CFDP1: variants seen among roughly 807,000 people sequenced by gnomAD.
The protein encoded by CFDP1 is heterochromatin-stabilizing protein CFDP1.
CFDP1 carries 31 observed loss-of-function variants against 40.1 expected under a neutral mutation model. That is an observed-to-expected ratio of 0.77 (90% CI 0.58 to 1.04). CFDP1 has a LOEUF of 1.04. CFDP1 is among the 50% of genes least tolerant of loss of function. CFDP1 has a pLI of 0.00. For missense variants in CFDP1, 423 were observed against 343.4 expected, an observed-to-expected ratio of 1.23 and a Z score of -1.83; for synonymous variants, 167 against 120.0, an observed-to-expected ratio of 1.39 and a Z score of -2.56.
chr16:75,387,828 A>T (rs1311456799), intron 5 of CFDP1, among the ~76,000 whole-genome samples: 3 of 152,360 alleles, frequency 2.0e-5, no homozygotes, highest in African/African-American at 2.4e-5. Flanking sequence ...CTTATTTTTT[A>T]AAATGTGCTA....
chr16:75,306,893 A>ACACACACACACG (rs1158252067), intron 5 of CFDP1, among the ~76,000 whole-genome samples: 1 of 144,354 alleles, frequency 6.9e-6, no homozygotes, highest in African/African-American at 2.6e-5. Flanking sequence ...ACACACACAC[A>ACACACACACACG]CACACACACG....
chr16:75,418,306 C>CTTT (rs60458195), intron 1 of CFDP1, among the ~76,000 whole-genome samples: 7 of 107,160 alleles, frequency 6.5e-5, no homozygotes, highest in African/African-American at 1.4e-4. Context: ...AACTCTAACC[C>CTTT]TTTTTTTTTT....
chr16:75,362,105 G>T (rs1040917935), intron 5 of CFDP1, among the ~76,000 whole-genome samples: 4 of 151,942 alleles, frequency 2.6e-5, no homozygotes, highest in Admixed American at 6.6e-5. Context: ...TAGACTGCAT[G>T]ATCTACACAA....
chr16:75,297,952 C>T (rs192436533), intron 6 of CFDP1, among the ~76,000 whole-genome samples: 39 of 152,252 alleles, frequency 2.6e-4, no homozygotes, highest in Non-Finnish European at 4.0e-4. Context: ...TCCAAAAATC[C>T]GAAATCTGAA....
chr16:75,375,138 A>C (rs886376089), intron 5 of CFDP1, among the ~76,000 whole-genome samples: 6 of 152,100 alleles, frequency 3.9e-5, no homozygotes, highest in Non-Finnish European at 7.4e-5. Flanking sequence ...CAGGACCATT[A>C]AAAAAAGGCA....
At chr16:75,397,067 C>T (rs577812989) in intron 4 of CFDP1, among the ~76,000 whole-genome samples, 4 of 152,218 alleles carry the variant, frequency 2.6e-5, no homozygotes, top group African/African-American at 9.6e-5. Context: ...GTGCCCGCCA[C>T]CACGCCCAGC....
intron 1 of CFDP1, among the ~76,000 whole-genome samples, chr16:75,423,596 C>T (rs965470371): frequency 2.0e-5 from 3 of 152,146 alleles, no homozygotes; most frequent in Middle Eastern, 6.8e-3. Context: ...CTCACTGCAA[C>T]CTCCGCCTCT....
At chr16:75,377,920 T>C (rs1234067940) in intron 5 of CFDP1, among the ~76,000 whole-genome samples, 1 of 152,244 alleles carries the variant, frequency 6.6e-6, no homozygotes, top group African/African-American at 2.4e-5. Context: ...GCAACTTCGC[T>C]AGCAGTCACC....
chr16:75,432,457 G>A lies in CFDP1; in HGVS notation c.64+832C>T, dbSNP rs985271389. Among the ~76,000 whole-genome samples, 7 of 151,342 alleles carry A rather than the reference G, an allele frequency of 4.6e-5. No individual in the cohort carries two copies. In the East Asian group the frequency reaches 9.8e-4, roughly 21 times the overall value. On this transcript the variant is annotated intron_variant, in intron 1 of 6. Coordinates refer to ENST00000283882, the MANE Select transcript of CFDP1 (RefSeq NM_006324.3). Reference sequence around the variant, plus strand: ...TCCCAGCTACTCCAGAGGCTGAGACGGGAGGATCGCTTGAGCCCAGGAGTC... The same window carrying A: ...TCCCAGCTACTCCAGAGGCTGAGACAGGAGGATCGCTTGAGCCCAGGAGTC...
intron 5 of CFDP1, among the ~76,000 whole-genome samples, chr16:75,320,992 A>G (rs2078359280): frequency 6.6e-6 from 1 of 152,078 alleles, no homozygotes; most frequent in Non-Finnish European, 1.5e-5. Context: ...TTTTTTTTTA[A>G]GAGATGGGAT....
chr16:75,361,697 AAG>A (rs2078680427), intron 5 of CFDP1, among the ~76,000 whole-genome samples: 1 of 152,172 alleles, frequency 6.6e-6, no homozygotes, highest in Non-Finnish European at 1.5e-5. Context: ...GAATTAAAAA[AAG>A]TTTTTTTACA....
At position 75,377,960 on chromosome 16, in the gene CFDP1, G is replaced by A. The variant is rs140022022; in HGVS notation, c.650+17130C>T. Among the ~76,000 whole-genome samples, 686 of 152,312 alleles carry A rather than the reference G, an allele frequency of 4.5e-3. 7 individuals carry two copies. The highest frequency in any genetic ancestry group is 0.016 in the African/African-American group (656 of 41,582). ...ACAGCCTGAACACTGTAGTAACAGG[G>A]CACATTATACATCAAAATCCCTTAG... On this transcript the variant is annotated intron_variant, in intron 5 of 6. Transcript: ENST00000283882.
rs774911853 is a variant in CFDP1 at position 75,306,889 on chromosome 16, ACACACACACACACG to A, written c.651-1721_651-1708del. On this transcript the variant is annotated intron_variant, in intron 5 of 6. Coordinates refer to ENST00000283882, the MANE Select transcript of CFDP1 (RefSeq NM_006324.3). Reference sequence around the variant, plus strand: ...TATGTGCGCGTGATCACACACACACACACACACACACACGCACACACACACACTTTCTTTTTCAC... The same window carrying A: ...TATGTGCGCGTGATCACACACACACACACACACACACACTTTCTTTTTCAC... Among the ~76,000 whole-genome samples, 14 of 143,468 alleles carry A rather than the reference ACACACACACACACG, an allele frequency of 9.8e-5. 1 individual carries two copies. In the South Asian group the frequency reaches 1.1e-3, roughly 12 times the overall value. The allele number at this position is 143,468 out of a possible 152,430, so 94.1% of individuals were successfully genotyped here.
At chr16:75,326,437 G>A (rs562118898) in intron 5 of CFDP1, among the ~76,000 whole-genome samples, 1 of 152,272 alleles carries the variant, frequency 6.6e-6, no homozygotes, top group East Asian at 1.9e-4. Flanking sequence ...AATTAATTTA[G>A]GTGTACAAAT....
chr16:75,375,938 CG>C (rs1156476752), intron 5 of CFDP1, among the ~76,000 whole-genome samples: 1 of 152,188 alleles, frequency 6.6e-6, no homozygotes, highest in Non-Finnish European at 1.5e-5. Context: ...TAAGACTGAG[CG>C]TTGTGGCTCA....
intron 5 of CFDP1, among the ~76,000 whole-genome samples, chr16:75,376,347 T>A (rs927465158): frequency 3.9e-5 from 6 of 152,170 alleles, no homozygotes; most frequent in African/African-American, 1.2e-4. Flanking sequence ...AAATAACCCA[T>A]ACGTTTATCA....
chr16:75,367,826 C>T (rs1048156329), intron 5 of CFDP1, among the ~76,000 whole-genome samples: 8 of 151,016 alleles, frequency 5.3e-5, no homozygotes, highest in South Asian at 2.1e-4. Context: ...ACAGCCAGAC[C>T]GGATATGGTG....
chr16:75,369,489 A>G (rs1403721267), intron 5 of CFDP1, among the ~76,000 whole-genome samples: 1 of 152,180 alleles, frequency 6.6e-6, no homozygotes, highest in Non-Finnish European at 1.5e-5. Flanking sequence ...TAACTATTAT[A>G]TACATTTAGA....
intron 4 of CFDP1, among the ~76,000 whole-genome samples, chr16:75,404,741 A>T (rs972511359): frequency 6.6e-6 from 1 of 152,174 alleles, no homozygotes; most frequent in Non-Finnish European, 1.5e-5. Context: ...TGTGAAATAC[A>T]GAAAAGGCAT....
Sources: allele counts gnomAD v4.1 joint callset (sites outside exome capture counted in the v4.1 genomes callset), GRCh38; gene constraint gnomAD v4.1.1; transcripts MANE v1.5; gene names NCBI Gene and HGNC (gene_info 2026-07-23, HGNC 2026-07-21).